Variants in DPH1 observed in about 807,000 individuals in gnomAD.
DPH1 encodes diphthamide biosynthesis 1, also known as 2-(3-amino-3-carboxypropyl)histidine synthase subunit 1.
Under a neutral mutation model 55.3 loss-of-function variants are expected in DPH1, and 59 were observed. The ratio of observed to expected loss-of-function variants is 1.07; its 90% confidence interval spans 0.87 to 1.33. The LOEUF is 1.33. Among genes scored for constraint, DPH1 ranks in the 40% most tolerant of loss-of-function variants. DPH1 has a pLI of 0.00. For missense variants in DPH1, 628 were observed against 584.8 expected (o/e 1.07, Z -0.76); for synonymous variants, 238 against 235.5 (o/e 1.01, Z -0.10).
intron 12 of DPH1, chr17:2,042,212 G>A (rs1430590015): frequency 4.9e-6 from 7 of 1,431,938 alleles, no homozygotes; most frequent in Non-Finnish European, 4.5e-6. Context: ...CGGGCCCCGA[G>A]GGCGCCAGAT....
chr17:2,035,467 C>CTGCCTGTGGTGGGGAGG (rs2067404810), intron 3 of DPH1, among the ~76,000 whole-genome samples: 1 of 20,030 alleles, frequency 5.0e-5, no homozygotes, highest in African/African-American at 1.8e-4. Context: ...AGTGGGGGTC[C>CTGCCTGTGGTGGGGAGG]GGGTGAGGGG....
rs1161799677 is a variant in DPH1 at position 2,043,355 on chromosome 17, T to C, written c.*769T>C. 2.2e-6 allele frequency: 1 copy of C among 463,954 alleles called. No individual in the cohort carries two copies. The highest frequency in any genetic ancestry group is 3.8e-6 in the Non-Finnish European group (1 of 263,944). The allele number at this position is 463,954 out of a possible 1,614,324, so 28.7% of individuals were successfully genotyped here. Reference sequence around the variant, plus strand: ...TGAATATGGTTGGAGAGCCCTGGATTAGGAGGGTGACATGGGGAAGGCAGA... The same window carrying C: ...TGAATATGGTTGGAGAGCCCTGGATCAGGAGGGTGACATGGGGAAGGCAGA... On this transcript the variant is annotated 3_prime_UTR_variant, in exon 13 of 13. Transcript: ENST00000263083.
In DPH1 at chr17:2,036,915, C is replaced by T. The variant is rs1446550764; in HGVS notation, c.639C>T (p.Gly213=). 1.2e-6 allele frequency: 2 copies of T among 1,613,824 alleles called. No individual in the cohort carries two copies. Among genetic ancestry groups the T allele is most frequent in the Admixed American group, 1.7e-5 (1 of 59,990 alleles). The change falls in exon 6 of 13, where the codon GGC becomes GGT. Residue 213 remains glycine, a synonymous_variant. Coordinates refer to ENST00000263083, the MANE Select transcript of DPH1 (RefSeq NM_001383.6). This position sits in a 1 kb window ranked among gnomAD's most constrained non-coding sequence, Gnocchi z 4.8. ...CKPLSPGEIL[G]CTSPRLSKEV... is the part of the protein sequence containing the mutation. ...CCCTGTCCCCTGGAGAGATCCTGGG[C>T]TGCACATCCCCCCGACTGTCCAAAG...
rs534536718 is a variant in DPH1, at chr17:2,042,767, T to G, written c.*181T>G. ...AGGCTGGGGCCTTTTGACGGCCTTC[T>G]TGGTTTCAGCCAAGGGGCTGCGCTA... On this transcript the variant is annotated 3_prime_UTR_variant, in exon 13 of 13. Coordinates refer to ENST00000263083, the MANE Select transcript of DPH1 (RefSeq NM_001383.6). 6.2e-7 allele frequency: 1 copy of G among 1,608,764 alleles called. No individual in the cohort carries two copies. Among genetic ancestry groups the G allele is most frequent in the African/African-American group, 1.3e-5 (1 of 74,550 alleles).
rs1251232140 is a variant in DPH1, at chr17:2,041,518, C to G, written c.1124C>G (p.Pro375Arg). 6.2e-7 allele frequency: 1 copy of G among 1,612,768 alleles called. No homozygotes were observed. The highest frequency in any genetic ancestry group is 8.5e-7 in the Non-Finnish European group (1 of 1,179,692). The change falls in exon 11 of 13, where the codon CCC (proline) becomes CGC (arginine). Residue 375 changes from proline to arginine, a missense_variant. Physicochemically the swap from Pro to Arg is moderately radical, Grantham distance 103 (BLOSUM62 -2). Coordinates refer to ENST00000263083, the MANE Select transcript of DPH1 (RefSeq NM_001383.6). ...VALRDISWQQ[P>R]YPMDFYAGSS... ...CTGAGGGACATTTCCTGGCAGCAGC[C>G]CTACCCGATGGACTTCTACGCTGGC...
intron 3 of DPH1, among the ~76,000 whole-genome samples, chr17:2,035,502 T>TCCAGGTGA (rs550546412): frequency 1.8e-5 from 1 of 54,304 alleles, no homozygotes; most frequent in Admixed American, 1.7e-4. Flanking sequence ...GGGGAGGGGG[T>TCCAGGTGA]GGGGGCCCTG....
At chr17:2,035,699 G>T (rs1012766192) in intron 3 of DPH1, among the ~76,000 whole-genome samples, 4 of 152,158 alleles carry the variant, frequency 2.6e-5, no homozygotes, top group African/African-American at 9.7e-5. Flanking sequence ...GTGTGCCGGA[G>T]TGAGGGTTGG....
intron 12 of DPH1, 85 bp downstream of exon 12, chr17:2,041,960 G>A: frequency 7.2e-6 from 11 of 1,518,822 alleles, no homozygotes; most frequent in Non-Finnish European, 9.7e-6. Flanking sequence ...CCTCGGGGCG[G>A]TGCTGACGTT....
chr17:2,033,705 G>T lies in DPH1; in HGVS notation c.214+48G>T, dbSNP rs1212993344. The T allele has an allele frequency of 2.5e-6, 4 of 1,613,732 alleles. No homozygotes were observed. The African/African-American group carries it at 5.3e-5, about 22-fold the overall frequency. On this transcript the variant is annotated intron_variant, in intron 2 of 12. Transcript: ENST00000263083. ...GGGGTTGGGGTGGAGAGGTTGCCTG[G>T]CCCAGATGGGACAGTGTCCCCCTTG...
At chr17:2,035,909 G>C (rs1169296407) in intron 3 of DPH1, 61 bp from the exon 4 acceptor site, 1 of 1,603,064 alleles carries the variant, frequency 6.2e-7, no homozygotes, top group Non-Finnish European at 8.5e-7. Flanking sequence ...CCCAGGGTTG[G>C]GTCTCTCCTA....
Position 2,042,618 on chromosome 17 carries a change from G to A in DPH1, c.*32G>A, listed in dbSNP as rs1337584447. On this transcript the variant is annotated 3_prime_UTR_variant, in exon 13 of 13. Transcript: ENST00000263083. ...ATATCGCTGTAGGGTCCTGCCCTCC[G>A]GAGGAGCAGCCTCGAGGCTGGTGGT... 11 of 1,518,978 alleles carry A rather than the reference G, an allele frequency of 7.2e-6. No homozygotes were observed. Among genetic ancestry groups the A allele is most frequent in the Middle Eastern group, 1.8e-4 (1 of 5,620 alleles). 94.1% of individuals were successfully genotyped at this position (1,518,978 alleles called of 1,614,324 possible).
Position 2,030,161 on chromosome 17 carries a change from A to T in DPH1, c.-9A>T, listed in dbSNP as rs1167295298. 36 of 1,602,528 alleles carry T rather than the reference A, an allele frequency of 2.2e-5. No individual in the cohort carries two copies. The highest frequency in any genetic ancestry group is 3.1e-5 in the Non-Finnish European group (36 of 1,175,524). ...GCTGTCTTTTTAGTACCACATGCGC[A>T]GGCAGGTGATGGCGGCGCTGGTCGT... On this transcript the variant is annotated 5_prime_UTR_variant, in exon 1 of 13. Coordinates refer to ENST00000263083, the MANE Select transcript of DPH1 (RefSeq NM_001383.6).
chr17:2,038,600 C>A (rs990423395), intron 6 of DPH1, among the ~76,000 whole-genome samples: 3 of 152,120 alleles, frequency 2.0e-5, no homozygotes, highest in Admixed American at 2.0e-4. Context: ...CCTGTACATG[C>A]GAGGGATCTA....
Position 2,036,144 on chromosome 17 carries a change from C to A in DPH1, c.400+53C>A. On this transcript the variant is annotated intron_variant, in intron 4 of 12. Transcript: ENST00000263083. The surrounding 1 kb of genome is among the most constrained non-coding windows in gnomAD (Gnocchi z 4.8). ...GTGGCGGGGCTGGCAGGGAGGCAGG[C>A]TGCACATTCATCTTCCCCATGGCAG... 1.9e-6 allele frequency: 3 copies of A among 1,602,566 alleles called. No homozygotes were observed. The highest frequency in any genetic ancestry group is 2.6e-6 in the Non-Finnish European group (3 of 1,173,978).
chr17:2,041,412 A>G, intron 10 of DPH1, 69 bp from the exon 11 acceptor site: 3 of 1,556,448 alleles, frequency 1.9e-6, no homozygotes, highest in Non-Finnish European at 2.6e-6. Context: ...CGTCGTGAGG[A>G]CTGAATTCAG....
intron 1 of DPH1, among the ~76,000 whole-genome samples, chr17:2,031,701 C>T (rs1278728031): frequency 6.6e-6 from 1 of 151,658 alleles, no homozygotes; most frequent in Non-Finnish European, 1.5e-5. Flanking sequence ...TGATTGCACC[C>T]CTGCACTCCA....
chr17:2,043,102 T>C lies in DPH1; in HGVS notation c.*516T>C, dbSNP rs778467042. The C allele has an allele frequency of 1.2e-6, 2 of 1,612,396 alleles. No individual in the cohort carries two copies. The highest frequency in any genetic ancestry group is 8.5e-7 in the Non-Finnish European group (1 of 1,179,266). ...CAAGTTCTTGGACCAGTTTGCAGAGTGAAAGATCAAGAAATGTCTCTGCTC... is the reference window on the plus strand; with the variant it reads ...CAAGTTCTTGGACCAGTTTGCAGAGCGAAAGATCAAGAAATGTCTCTGCTC... On this transcript the variant is annotated 3_prime_UTR_variant, in exon 13 of 13. Transcript: ENST00000263083.
rs1235064615 is a variant in DPH1 at position 2,042,973 on chromosome 17, CAGGA to C, written c.*388_*391del. 1 of 1,614,028 alleles carries C rather than the reference CAGGA, an allele frequency of 6.2e-7. No individual in the cohort carries two copies. Among genetic ancestry groups the C allele is most frequent in the East Asian group, 2.2e-5 (1 of 44,900 alleles). On this transcript the variant is annotated 3_prime_UTR_variant, in exon 13 of 13. Transcript: ENST00000263083. ...GGACACTGACAAAGTCATCCCCTCT[CAGGA>C]GAGTGTGCAACTGGCCAGCCAATTT... is the stretch of plus-strand genomic sequence containing the variant.
Position 2,040,317 on chromosome 17 carries a change from G to A in DPH1, c.849G>A (p.Lys283=), listed in dbSNP as rs1198018602. The change falls in exon 8 of 13, where the codon AAG becomes AAA. Residue 283 remains lysine, a synonymous_variant. Transcript: ENST00000263083. ...CCATAGCCACTGCCCGCTCAGCTAA[G>A]TCCTGGGGCCTTATTCTGGGCACTT... ...QEAIATARSA[K]SWGLILGTLG... The A allele has an allele frequency of 1.6e-5, 26 of 1,614,096 alleles. No homozygotes were observed. Among genetic ancestry groups the A allele is most frequent in the Non-Finnish European group, 2.1e-5 (25 of 1,180,044 alleles).
Sources: gnomAD v4.1 joint callset for allele counts (sites outside exome capture counted in the v4.1 genomes callset) on GRCh38, gnomAD v4.1.1 for gene constraint, Gnocchi (gnomAD v3.1) non-coding constraint, MANE v1.5 for transcripts, NCBI Gene and HGNC (gene_info 2026-07-23, HGNC 2026-07-21) for gene names.